The following RNF169 variants were observed in gnomAD, a reference collection of about 807,000 sequenced individuals.
RNF169 encodes E3 ubiquitin-protein ligase RNF169.
RNF169 carries 24 observed loss-of-function variants against 53.9 expected under a neutral mutation model. The ratio of observed to expected loss-of-function variants is 0.45; its 90% CI spans 0.32 to 0.63. The LOEUF (loss-of-function observed/expected upper bound fraction) is 0.63. RNF169 is among the 20% of genes least tolerant of loss of function. The pLI is 0.04. For missense variants in RNF169, 883 were observed against 906.2 expected (o/e 0.97, Z 0.33); for synonymous variants, 396 against 363.5 (o/e 1.09, Z -1.02).
intron 1 of RNF169, among the ~76,000 whole-genome samples, chr11:74,761,781 C>T (rs1272482909): frequency 6.7e-6 from 1 of 148,356 alleles, no homozygotes; most frequent in Non-Finnish European, 1.5e-5. Context: ...AATTATGTGT[C>T]TTGGAGTTGC....
chr11:74,803,246 T>C (rs751416935), intron 2 of RNF169, among the ~76,000 whole-genome samples: 2 of 151,914 alleles, frequency 1.3e-5, no homozygotes, highest in Non-Finnish European at 2.9e-5. Context: ...CCACCACGCC[T>C]GGCTAATTTT....
At position 74,817,655 on chromosome 11, in the gene RNF169, G is replaced by A. The variant is rs2135127360; in HGVS notation, c.783G>A (p.Gln261=). ...NEEPSRGQMT[Q]THRSAFVSKN... ...AACCTTCTCGAGGCCAGATGACACA[G>A]ACACATCGCTCGGCATTTGTTTCCA... is the stretch of plus-strand genomic sequence containing the variant. The change falls in exon 4 of 6, where the codon CAG becomes CAA. Residue 261 remains glutamine, a synonymous_variant. Transcript: ENST00000299563. 4 of 1,614,120 alleles carry A rather than the reference G, an allele frequency of 2.5e-6. No individual in the cohort carries two copies. The highest frequency in any genetic ancestry group is 3.4e-6 in the Non-Finnish European group (4 of 1,179,968).
intron 1 of RNF169, among the ~76,000 whole-genome samples, chr11:74,750,583 C>T (rs2034872284): frequency 7.2e-6 from 1 of 138,378 alleles, no homozygotes; most frequent in Non-Finnish European, 1.5e-5. Context: ...TGTCACTCCC[C>T]TCACCTTTTT....
intron 4 of RNF169, chr11:74,831,159 G>A (rs990488390): frequency 7.9e-5 from 12 of 152,000 alleles, no homozygotes; most frequent in Non-Finnish European, 1.3e-4. Context: ...AGAAGAATTG[G>A]GCAAGAAAAA....
Position 74,789,679 on chromosome 11 carries a change from G to A in RNF169, c.556G>A (p.Glu186Lys), listed in dbSNP as rs770537031. Residue 186 changes from glutamate to lysine, a missense_variant, in exon 2 of 6, where the codon GAA becomes AAA. By Grantham distance (56) the Glu-to-Lys change is moderately conservative. Transcript: ENST00000299563. ...AAGCAAGCCTGGGGAACTTCGTGAG[G>A]AATATGAAAGCTTGAGAAAGGTATA... ...KLSKPGELRE[E>K]YESLRKLREE... 9.0e-5 allele frequency: 145 copies of A among 1,602,422 alleles called. No individual in the cohort carries two copies. Among genetic ancestry groups the A allele is most frequent in the Non-Finnish European group, 1.2e-4 (143 of 1,170,128 alleles).
chr11:74,792,072 T>G (rs2035587514), intron 2 of RNF169, among the ~76,000 whole-genome samples: 1 of 152,236 alleles, frequency 6.6e-6, no homozygotes, highest in Non-Finnish European at 1.5e-5. Context: ...TTACTATATA[T>G]TCTCTGATCT....
intron 1 of RNF169, among the ~76,000 whole-genome samples, chr11:74,758,769 G>A (rs550708453): frequency 6.6e-6 from 1 of 152,286 alleles, no homozygotes; most frequent in South Asian, 2.1e-4. Context: ...CTCCCAAAGT[G>A]CTGGGATTAC....
At chr11:74,819,142 G>A (rs1022654224) in intron 4 of RNF169, among the ~76,000 whole-genome samples, 1 of 151,752 alleles carries the variant, frequency 6.6e-6, no homozygotes, top group Non-Finnish European at 1.5e-5. Flanking sequence ...TAAGTAAATG[G>A]TTCCTAGCAA....
intron 3 of RNF169, among the ~76,000 whole-genome samples, chr11:74,815,909 A>G (rs2035936380): frequency 6.6e-6 from 1 of 152,222 alleles, no homozygotes; most frequent in South Asian, 2.1e-4. Context: ...TATTGGTATC[A>G]AAGCTTATCT....
At chr11:74,771,133 C>T (rs2035254243) in intron 1 of RNF169, among the ~76,000 whole-genome samples, 1 of 152,000 alleles carries the variant, frequency 6.6e-6, no homozygotes, top group Non-Finnish European at 1.5e-5. Context: ...GATACTTAGT[C>T]ATACTAACAT....
chr11:74,762,829 G>T (rs1165096771), intron 1 of RNF169, among the ~76,000 whole-genome samples: 1 of 152,126 alleles, frequency 6.6e-6, no homozygotes, highest in Non-Finnish European at 1.5e-5. Context: ...TGGAACTACC[G>T]ACCAAAACTG....
chr11:74,834,621 C>T, intron 4 of RNF169, 55 bp from the exon 5 acceptor site: 3 of 1,283,198 alleles, frequency 2.3e-6, no homozygotes, highest in Non-Finnish European at 2.2e-6. Flanking sequence ...ATCCTTTTTC[C>T]TTACCTATAT....
intron 1 of RNF169, among the ~76,000 whole-genome samples, chr11:74,751,818 C>T (rs1413511657): frequency 2.6e-5 from 4 of 152,158 alleles, no homozygotes; most frequent in Non-Finnish European, 4.4e-5. Context: ...TAGGAAGTAT[C>T]TCTTAGCTTC....
chr11:74,776,648 A>G (rs2035340601), intron 1 of RNF169, among the ~76,000 whole-genome samples: 1 of 152,214 alleles, frequency 6.6e-6, no homozygotes, highest in African/African-American at 2.4e-5. Context: ...TGTTACTGCA[A>G]TTGAGATAAG....
chr11:74,814,009 T>A (rs1350306252), intron 3 of RNF169, among the ~76,000 whole-genome samples: 3 of 151,892 alleles, frequency 2.0e-5, no homozygotes, highest in Admixed American at 2.0e-4. Flanking sequence ...TTTTATAACC[T>A]GTTTTAGTTC....
Position 74,839,601 on chromosome 11 carries a change from T to G in RNF169, c.*2871T>G, listed in dbSNP as rs1486679851. 1.3e-5 allele frequency: 2 copies of G among 152,208 alleles called. No individual in the cohort carries two copies. The highest frequency in any genetic ancestry group is 2.9e-5 in the Non-Finnish European group (2 of 68,038). The allele number at this position is 152,208 out of a possible 1,614,324, so 9.4% of individuals were successfully genotyped here. On this transcript the variant is annotated 3_prime_UTR_variant, in exon 6 of 6. Coordinates refer to ENST00000299563, the MANE Select transcript of RNF169 (RefSeq NM_001098638.2). ...CATACAAATTACCCATGTCTTACTC[T>G]GTTCCTTGTATATATGCATTCTGGG...
chr11:74,805,517 TATG>T lies in RNF169; in HGVS notation c.577-4664_577-4662del, dbSNP rs1356604328. On this transcript the variant is annotated intron_variant, in intron 2 of 5. Transcript: ENST00000299563. ...ATATGTGTCATATTATATGTAGTCT[TATG>T]ATATAAAAAATGAATTCTTAATATA... is the stretch of plus-strand genomic sequence containing the variant. 4.6e-5 allele frequency among the ~76,000 whole-genome samples: 7 copies of T among 152,294 alleles called. No individual in the cohort carries two copies. In the East Asian group the frequency reaches 1.3e-3, roughly 29 times the overall value.
intron 2 of RNF169, among the ~76,000 whole-genome samples, chr11:74,801,073 TTCTAAA>T (rs557383025): frequency 4.4e-4 from 67 of 152,372 alleles, no homozygotes; most frequent in African/African-American, 1.6e-3. Context: ...ATACGCTTAA[TTCTAAA>T]TCTAACATTT....
intron 1 of RNF169, 60 bp downstream of exon 1, chr11:74,749,442 C>A: frequency 1.7e-6 from 2 of 1,199,418 alleles, no homozygotes; most frequent in South Asian, 3.7e-5. Context: ...CCCGGCCCGG[C>A]CTGGTGAGGG....
Sources: allele counts gnomAD v4.1 joint callset (sites outside exome capture counted in the v4.1 genomes callset), GRCh38; gene constraint gnomAD v4.1.1; transcripts MANE v1.5; gene names NCBI Gene and HGNC (gene_info 2026-07-23, HGNC 2026-07-21).